Variants in ZNF316 observed in about 807,000 individuals in gnomAD.
The protein encoded by ZNF316 is zinc finger protein 316.
Under a neutral mutation model 75.6 loss-of-function variants are expected in ZNF316, and 23 were observed. The observed-to-expected ratio is 0.30, with a 90% confidence interval of 0.22 to 0.43. ZNF316 has a LOEUF of 0.43. Among genes scored for constraint, ZNF316 ranks in the 20% least tolerant of loss-of-function variants. The probability of loss-of-function intolerance (pLI) is 1.00; values close to 1 mark genes in which losing one functional copy is unlikely to be tolerated. For synonymous variants in ZNF316, 827 were observed against 666.2 expected (o/e 1.24, Z -3.72); for missense variants, 1,266 against 1,409.4 (o/e 0.90, Z 1.63).
chr7:6,646,565 T>C (rs2253496), intron 8 of ZNF316, among the ~76,000 whole-genome samples: 55,946 of 152,030 alleles, frequency 0.37, 10,778 homozygotes, highest in South Asian at 0.62. Flanking sequence ...CAGTGCCTCC[T>C]GCATCCCCTG....
intron 8 of ZNF316, among the ~76,000 whole-genome samples, chr7:6,651,541 G>A (rs1288718956): frequency 1.3e-5 from 2 of 152,034 alleles, no homozygotes; most frequent in African/African-American, 4.8e-5. Flanking sequence ...TGTAATCCCA[G>A]CTACTAGGGA....
intron 8 of ZNF316, among the ~76,000 whole-genome samples, chr7:6,647,371 C>T (rs749370879): frequency 2.0e-5 from 3 of 152,236 alleles, no homozygotes; most frequent in Non-Finnish European, 4.4e-5. Context: ...CCAGTGCCAC[C>T]CTCATCCCCC....
chr7:6,652,754 G>C lies in ZNF316; in HGVS notation c.1158G>C (p.Ser386=). 7.9e-7 allele frequency: 1 copy of C among 1,261,256 alleles called. No homozygotes were observed. 78.1% of individuals were successfully genotyped at this position (1,261,256 alleles called of 1,614,324 possible). The change falls in exon 9 of 9, where the codon TCG becomes TCC. Residue 386 remains serine, a synonymous_variant. Transcript: ENST00000382252. ...EECGKGFVYR[S]HLAIHQRTHT... ...GCGGCAAGGGCTTCGTGTACCGCTC[G>C]CACTTGGCCATCCACCAGCGCACGC...
chr7:6,645,044 C>G (rs543709118), intron 8 of ZNF316, among the ~76,000 whole-genome samples: 3 of 152,342 alleles, frequency 2.0e-5, no homozygotes, highest in South Asian at 4.1e-4. Flanking sequence ...GGACTCTGAC[C>G]GGGATGGGCA....
At position 6,657,200 on chromosome 7, in the gene ZNF316, T is replaced by C. The variant is rs1413291502; in HGVS notation, c.*2589T>C. The stretch of plus-strand genomic sequence containing the variant: ...TAGTAGAGATGGGATTTCAGCATAT[T>C]GGCCAGGCTGGTCTTGAGCTCCTGA... On this transcript the variant is annotated 3_prime_UTR_variant, in exon 9 of 9. Transcript: ENST00000382252. Among the ~76,000 whole-genome samples, 1 of 151,410 alleles carries C rather than the reference T, an allele frequency of 6.6e-6. No homozygotes were observed. Among genetic ancestry groups the C allele is most frequent in the Non-Finnish European group, 1.5e-5 (1 of 67,932 alleles).
intron 8 of ZNF316, among the ~76,000 whole-genome samples, chr7:6,646,945 C>T (rs1779415487): frequency 6.6e-6 from 1 of 152,152 alleles, no homozygotes; most frequent in African/African-American, 2.4e-5. Context: ...GCTGCTGAAG[C>T]CCCCACCTGC....
intron 8 of ZNF316, among the ~76,000 whole-genome samples, chr7:6,649,929 G>C (rs1265948498): frequency 6.6e-6 from 1 of 152,182 alleles, no homozygotes; most frequent in Non-Finnish European, 1.5e-5. Flanking sequence ...GTGATGGGAG[G>C]AGCCTCCCAG....
At position 6,642,596 on chromosome 7, in the gene ZNF316, G is replaced by A; in HGVS notation, c.187G>A (p.Val63Ile). The A allele has an allele frequency of 1.6e-6, 2 of 1,221,494 alleles. No homozygotes were observed. The highest frequency in any genetic ancestry group is 2.0e-6 in the Non-Finnish European group (2 of 977,006). The allele number at this position is 1,221,494 out of a possible 1,614,324, so 75.7% of individuals were successfully genotyped here. ...VEEEEEGVAE[V>I]VQDAQVEAVA... Reference sequence around the variant, plus strand: ...GGAGGAGGAGGAGGGTGTGGCAGAGGTAGTGCAGGATGCGCAGGTGGAGGC... The same window carrying A: ...GGAGGAGGAGGAGGGTGTGGCAGAGATAGTGCAGGATGCGCAGGTGGAGGC... The change falls in exon 5 of 9, where the codon GTA (valine) becomes ATA (isoleucine). Residue 63 changes from valine (V) to isoleucine (I), a missense_variant. Coordinates refer to ENST00000382252, the MANE Select transcript of ZNF316 (RefSeq NM_001278559.2). This position sits in a 1 kb window ranked among gnomAD's most constrained non-coding sequence, Gnocchi z 8.1.
At position 6,652,800 on chromosome 7, in the gene ZNF316, C is replaced by A. The variant is rs963024545; in HGVS notation, c.1204C>A (p.Pro402Thr). Residue 402 changes from proline (P) to threonine (T), a missense_variant, in exon 9 of 9, where the codon CCG becomes ACG. Coordinates refer to ENST00000382252, the MANE Select transcript of ZNF316 (RefSeq NM_001278559.2). Reference protein sequence around the residue: ...QRTHTGEKPFPCPDCGKRFVY... With the variant: ...QRTHTGEKPFTCPDCGKRFVY... ...CACGCACACCGGCGAGAAGCCCTTC[C>A]CGTGCCCGGACTGCGGCAAGCGCTT... is the stretch of plus-strand genomic sequence containing the variant. The A allele has an allele frequency of 6.1e-5, 78 of 1,272,136 alleles. No homozygotes were observed. The Middle Eastern group carries it at 1.8e-3, about 30-fold the overall frequency. The allele number at this position is 1,272,136 out of a possible 1,614,324, so 78.8% of individuals were successfully genotyped here.
chr7:6,637,875 C>A lies in ZNF316; in HGVS notation c.-401C>A, dbSNP rs958279177. The A allele has an allele frequency of 1.3e-5, 2 of 152,238 alleles. No homozygotes were observed. Among genetic ancestry groups the A allele is most frequent in the Non-Finnish European group, 2.9e-5 (2 of 68,128 alleles). The allele number at this position is 152,238 out of a possible 1,614,324, so 9.4% of individuals were successfully genotyped here. The stretch of plus-strand genomic sequence containing the variant: ...CTGCAGGAGGAGGCGGCTCCGGACG[C>A]CCCCTGGGGGGCGGGAGGCGCTCGG... On this transcript the variant is annotated 5_prime_UTR_variant, in exon 2 of 9. Transcript: ENST00000382252. The surrounding 1 kb of genome is among the most constrained non-coding windows in gnomAD (Gnocchi z 6.2).
rs906699026 is a variant in ZNF316 at position 6,656,563 on chromosome 7, C to G, written c.*1952C>G. On this transcript the variant is annotated 3_prime_UTR_variant, in exon 9 of 9. Transcript: ENST00000382252. ...CTCTTTTAAGAAATTAGAATGGGTC[C>G]TAGGATGGCCCATGAGGAGTTGGCC... The G allele has an allele frequency of 6.6e-6, 1 of 152,190 alleles. No individual in the cohort carries two copies. Among genetic ancestry groups the G allele is most frequent in the African/African-American group, 2.4e-5 (1 of 41,448 alleles). 9.4% of individuals were successfully genotyped at this position (152,190 alleles called of 1,614,324 possible).
In ZNF316 at chr7:6,657,857, AG is replaced by A. The variant is rs71010909; in HGVS notation, c.*3248del. Among the ~76,000 whole-genome samples, 8,295 of 136,922 alleles carry A rather than the reference AG, an allele frequency of 0.061. 608 individuals carry two copies. Among genetic ancestry groups the A allele is most frequent in the Middle Eastern group, 0.091 (23 of 252 alleles). 89.8% of individuals were successfully genotyped at this position (136,922 alleles called of 152,430 possible). A position where few individuals can be genotyped will look rare whatever the true frequency, so the allele number is the denominator to read the frequency against. On this transcript the variant is annotated 3_prime_UTR_variant, in exon 9 of 9. Transcript: ENST00000382252. ...AAAAAAAAAAAAAAAAAAAAAAAAA[AG>A]GTTCCCCGATAGAACTTATAGTTGA...
Position 6,640,458 on chromosome 7 carries a change from A to G in ZNF316, c.-167+1317A>G, listed in dbSNP as rs1456591324. On this transcript the variant is annotated intron_variant, in intron 3 of 8. Coordinates refer to ENST00000382252, the MANE Select transcript of ZNF316 (RefSeq NM_001278559.2). This position sits in a 1 kb window ranked among gnomAD's most constrained non-coding sequence, Gnocchi z 5.1. Reference sequence around the variant, plus strand: ...AAGAGAGAGTGAGTGGGGAGGCGCCACACACTTTTAAAGACGACCAGATGT... The same window carrying G: ...AAGAGAGAGTGAGTGGGGAGGCGCCGCACACTTTTAAAGACGACCAGATGT... 6.6e-6 allele frequency among the ~76,000 whole-genome samples: 1 copy of G among 152,146 alleles called. No homozygotes were observed. Among genetic ancestry groups the G allele is most frequent in the African/African-American group, 2.4e-5 (1 of 41,432 alleles).
Position 6,646,059 on chromosome 7 carries a change from G to A in ZNF316, c.706+1466G>A, listed in dbSNP as rs540895634. On this transcript the variant is annotated intron_variant, in intron 8 of 8. Transcript: ENST00000382252. ...CCTCACTATCATGAGAACAGCATGGGGGGAAACGGCCCCCATGATCTGATC... is the reference window on the plus strand; with the variant it reads ...CCTCACTATCATGAGAACAGCATGGAGGGAAACGGCCCCCATGATCTGATC... 1.8e-4 allele frequency among the ~76,000 whole-genome samples: 27 copies of A among 152,080 alleles called. 2 individuals carry two copies. In the South Asian group the frequency reaches 2.1e-3, roughly 12 times the overall value.
chr7:6,653,651 G>A lies in ZNF316; in HGVS notation c.2055G>A (p.Ala685=), dbSNP rs1384536974. ...CGGAGCCCGCGCCGGCCGCGCTGGC[G>A]GAGGAGGAGAGCCCGTGGATCTGCT... The part of the protein sequence containing the change: ...LLAEPAPAAL[A]EEESPWICSD... The change falls in exon 9 of 9, where the codon GCG becomes GCA. Residue 685 remains alanine (A), a synonymous_variant. Transcript: ENST00000382252. The A allele has an allele frequency of 5.6e-6, 6 of 1,070,226 alleles. No individual in the cohort carries two copies. The highest frequency in any genetic ancestry group is 1.7e-5 in the African/African-American group (1 of 58,110). The allele number at this position is 1,070,226 out of a possible 1,614,324, so 66.3% of individuals were successfully genotyped here. A position where few individuals can be genotyped will look rare whatever the true frequency, so the allele number is the denominator to read the frequency against.
chr7:6,647,058 C>T (rs1779417992), intron 8 of ZNF316, among the ~76,000 whole-genome samples: 1 of 152,236 alleles, frequency 6.6e-6, no homozygotes, highest in African/African-American at 2.4e-5. Context: ...CTGGTCTGCA[C>T]TAGAGCAAGA....
chr7:6,650,012 C>T (rs1202722372), intron 8 of ZNF316, among the ~76,000 whole-genome samples: 1 of 152,234 alleles, frequency 6.6e-6, no homozygotes, highest in Non-Finnish European at 1.5e-5. Flanking sequence ...GGCTTATTAT[C>T]CAGTAAATGC....
chr7:6,649,904 A>G (rs1779477149), intron 8 of ZNF316, among the ~76,000 whole-genome samples: 1 of 152,188 alleles, frequency 6.6e-6, no homozygotes, highest in African/African-American at 2.4e-5. Context: ...TGCTGCGATC[A>G]GGATCAAGGG....
In ZNF316 at chr7:6,639,539, C is replaced by T. The variant is rs981022947; in HGVS notation, c.-167+398C>T. On this transcript the variant is annotated intron_variant, in intron 3 of 8. Transcript: ENST00000382252. The surrounding 1 kb of genome is among the most constrained non-coding windows in gnomAD (Gnocchi z 4.2). ...AGAGAGTTCTGGGGATGGGGAATAA[C>T]ACACACACGGCCTGAGATGAGATGA... 1.3e-5 allele frequency among the ~76,000 whole-genome samples: 2 copies of T among 152,194 alleles called. No individual in the cohort carries two copies. Among genetic ancestry groups the T allele is most frequent in the African/African-American group, 4.8e-5 (2 of 41,440 alleles).
Sources: allele counts gnomAD v4.1 joint callset (sites outside exome capture counted in the v4.1 genomes callset), GRCh38; gene constraint gnomAD v4.1.1; non-coding constraint Gnocchi (gnomAD v3.1); transcripts MANE v1.5; gene names NCBI Gene and HGNC (gene_info 2026-07-23, HGNC 2026-07-21).